TMPRSS5: variants seen among roughly 807,000 people sequenced by gnomAD.
TMPRSS5 encodes the protein transmembrane protease serine 5.
TMPRSS5 carries 45 observed loss-of-function variants against 59.7 expected under a neutral mutation model. That is an observed-to-expected ratio of 0.75 (90% CI 0.59 to 0.97). TMPRSS5 has a LOEUF of 0.97. TMPRSS5 is among the 50% of genes least tolerant of loss of function. The pLI is 0.00. For synonymous variants in TMPRSS5, 225 were observed against 232.0 expected, an observed-to-expected ratio of 0.97 and a Z score of 0.27; for missense variants, 585 against 596.7, an observed-to-expected ratio of 0.98 and a Z score of 0.20.
At chr11:113,697,875 C>A (rs1044868868) in intron 4 of TMPRSS5, among the ~76,000 whole-genome samples, 3 of 152,170 alleles carry the variant, frequency 2.0e-5, no homozygotes, top group Non-Finnish European at 4.4e-5. Flanking sequence ...TGGACTGACT[C>A]ATGTCCCCGC....
Position 113,693,129 on chromosome 11 carries a change from G to A in TMPRSS5, c.906C>T (p.Ala302=). ...ERIIPHPLYS[A]QNHDYDVALL... ...GGGCGACGTCGTAGTCATGATTCTG[G>A]GCACTGTAGAGGGGGTGTGGGATAA... Residue 302 remains alanine, a synonymous_variant, in exon 9 of 13, where the codon GCC becomes GCT. Coordinates refer to ENST00000299882, the MANE Select transcript of TMPRSS5 (RefSeq NM_030770.4). The A allele has an allele frequency of 6.3e-7, 1 of 1,596,362 alleles. No individual in the cohort carries two copies. The highest frequency in any genetic ancestry group is 1.1e-5 in the South Asian group (1 of 87,736).
At chr11:113,692,489 C>T (rs557888019) in intron 9 of TMPRSS5, among the ~76,000 whole-genome samples, 9 of 152,232 alleles carry the variant, frequency 5.9e-5, no homozygotes, top group African/African-American at 1.7e-4. Context: ...CCCACATGCA[C>T]GTGTGTGTCG....
chr11:113,696,748 C>A, intron 6 of TMPRSS5, 110 bp downstream of exon 6: 3 of 707,230 alleles, frequency 4.2e-6, no homozygotes. Flanking sequence ...GTCCTCCTAT[C>A]ATAGGCCACC....
intron 1 of TMPRSS5, among the ~76,000 whole-genome samples, chr11:113,705,144 T>C (rs1041063782): frequency 6.6e-6 from 1 of 152,098 alleles, no homozygotes; most frequent in Non-Finnish European, 1.5e-5. Flanking sequence ...CCAATGAGGA[T>C]AAAAGCCTGA....
rs1467565201 is a variant in TMPRSS5, at chr11:113,690,336, G to C, written c.1101C>G (p.Pro367=). Residue 367 remains proline, a synonymous_variant, in exon 11 of 13, where the codon CCC becomes CCG. Coordinates refer to ENST00000299882, the MANE Select transcript of TMPRSS5 (RefSeq NM_030770.4). ...TGTTGCAGAGCTGAGTGCTGAACAAGGGCACCACCGTGTCCTGGAGCATAT... is the reference window on the plus strand; with the variant it reads ...TGTTGCAGAGCTGAGTGCTGAACAACGGCACCACCGTGTCCTGGAGCATAT... ...SSDMLQDTVV[P]LFSTQLCNSS... is the part of the protein sequence containing the mutation. 1 of 1,604,664 alleles carries C rather than the reference G, an allele frequency of 6.2e-7. No homozygotes were observed. The highest frequency in any genetic ancestry group is 1.1e-5 in the South Asian group (1 of 88,128).
chr11:113,705,082 T>C (rs1953255911), intron 1 of TMPRSS5, among the ~76,000 whole-genome samples: 1 of 152,176 alleles, frequency 6.6e-6, no homozygotes, highest in Middle Eastern at 3.2e-3. Context: ...CCGTTTCCCC[T>C]GCAGACTACT....
At chr11:113,698,809 G>A (rs1040533230) in intron 4 of TMPRSS5, 96 bp downstream of exon 4, 3 of 1,414,738 alleles carry the variant, frequency 2.1e-6, no homozygotes, top group East Asian at 2.5e-5. Context: ...ATGGTTGGCA[G>A]TGAACAGATG....
At chr11:113,690,176 G>GGGCCCCCCCCCCCCCCCCCACC in intron 11 of TMPRSS5, 55 bp downstream of exon 11, 1 of 388,230 alleles carries the variant, frequency 2.6e-6, no homozygotes, top group African/African-American at 3.0e-5. Flanking sequence ...CAGGCCCCCT[G>GGGCCCCCCCCCCCCCCCCCACC]CCCTCCCACC....
chr11:113,699,150 C>T (rs1043978354), intron 3 of TMPRSS5, 123 bp from the exon 4 acceptor site: 7 of 984,368 alleles, frequency 7.1e-6, no homozygotes, highest in South Asian at 5.0e-5. Context: ...AGGGGCATAG[C>T]GCTCCATCTC....
chr11:113,694,564 G>A lies in TMPRSS5; in HGVS notation c.699C>T (p.Ala233=). 2 of 1,542,432 alleles carry A rather than the reference G, an allele frequency of 1.3e-6. No homozygotes were observed. Among genetic ancestry groups the A allele is most frequent in the Non-Finnish European group, 8.7e-7 (1 of 1,143,988 alleles). The change falls in exon 8 of 13, where the codon GCC becomes GCT. Residue 233 remains alanine, a synonymous_variant. Coordinates refer to ENST00000299882, the MANE Select transcript of TMPRSS5 (RefSeq NM_030770.4). The part of the protein sequence containing the change: ...SVAPGRWPWQ[A]SVALGFRHTC... Reference sequence around the variant, plus strand: ...TGTGCCGGAAGCCCAGGGCCACGCTGGCCTGCCACGGCCAGCGCCCAGGAG... The same window carrying A: ...TGTGCCGGAAGCCCAGGGCCACGCTAGCCTGCCACGGCCAGCGCCCAGGAG...
At chr11:113,691,989 G>A (rs1208002360) in intron 9 of TMPRSS5, among the ~76,000 whole-genome samples, 1 of 147,842 alleles carries the variant, frequency 6.8e-6, no homozygotes, top group African/African-American at 2.5e-5. Flanking sequence ...CCAGGTTCAA[G>A]TGATCCTCCT....
chr11:113,700,168 T>C lies in TMPRSS5; in HGVS notation c.4A>G (p.Ser2Gly). 1.3e-6 allele frequency: 2 copies of C among 1,557,680 alleles called. No individual in the cohort carries two copies. Among genetic ancestry groups the C allele is most frequent in the Non-Finnish European group, 8.7e-7 (1 of 1,149,506 alleles). M[S>G]LMLDDQPPME... ...GGGGGTTGGTCATCCAGCATCAGGC[T>C]CTGGGGAAATAAGGGCCAGACACCC... The change falls in exon 2 of 13, where the codon AGC (serine) becomes GGC (glycine). Residue 2 changes from serine to glycine, a missense_variant and splice_region_variant. Coordinates refer to ENST00000299882, the MANE Select transcript of TMPRSS5 (RefSeq NM_030770.4).
chr11:113,706,226 G>T lies in TMPRSS5; in HGVS notation c.-2C>A. 1 of 1,601,666 alleles carries T rather than the reference G, an allele frequency of 6.2e-7. No individual in the cohort carries two copies. The highest frequency in any genetic ancestry group is 1.1e-5 in the South Asian group (1 of 88,304). On this transcript the variant is annotated 5_prime_UTR_variant, in exon 1 of 13. Transcript: ENST00000299882. ...GGCACAGAGACGTAACCTTACCATA[G>T]GGGTCAGTGGCACTGTTGTAAAGCC... is the stretch of plus-strand genomic sequence containing the variant.
At chr11:113,696,806 G>C in intron 6 of TMPRSS5, 52 bp downstream of exon 6, 2 of 1,291,600 alleles carry the variant, frequency 1.5e-6, no homozygotes, top group Non-Finnish European at 2.2e-6. Flanking sequence ...TTGCTGGATT[G>C]ACCACCAGGA....
chr11:113,692,978 A>G, intron 9 of TMPRSS5, 93 bp downstream of exon 9: 2 of 1,260,872 alleles, frequency 1.6e-6, no homozygotes, highest in South Asian at 2.7e-5. Context: ...TGTTCAGAGG[A>G]AACTTCAGAA....
chr11:113,700,128 T>C lies in TMPRSS5; in HGVS notation c.44A>G (p.Tyr15Cys), dbSNP rs1164762152. The change falls in exon 2 of 13, where the codon TAT (tyrosine) becomes TGT (cysteine). Residue 15 changes from tyrosine to cysteine, a missense_variant. Tyr to Cys is a radical substitution (Grantham distance 194). Coordinates refer to ENST00000299882, the MANE Select transcript of TMPRSS5 (RefSeq NM_030770.4). Reference protein sequence around the residue: ...LDDQPPMEAQYAEEGPGPGIF... With the variant: ...LDDQPPMEAQCAEEGPGPGIF... ...CCCAGGTCCTGGGCCCTCCTCTGCA[T>C]ACTGGGCCTCCATAGGGGGTTGGTC... 6 of 1,585,638 alleles carry C rather than the reference T, an allele frequency of 3.8e-6. No homozygotes were observed. Among genetic ancestry groups the C allele is most frequent in the Middle Eastern group, 1.8e-4 (1 of 5,700 alleles).
Position 113,700,183 on chromosome 11 carries a change from G to C in TMPRSS5, c.4-15C>G. On this transcript the variant is annotated splice_polypyrimidine_tract_variant and intron_variant, in intron 1 of 12. Coordinates refer to ENST00000299882, the MANE Select transcript of TMPRSS5 (RefSeq NM_030770.4). ...AGCATCAGGCTCTGGGGAAATAAGG[G>C]CCAGACACCCAGGATCCCCACATCA... 6.5e-7 allele frequency: 1 copy of C among 1,529,564 alleles called. No individual in the cohort carries two copies. The highest frequency in any genetic ancestry group is 8.8e-7 in the Non-Finnish European group (1 of 1,135,196). 94.7% of individuals were successfully genotyped at this position (1,529,564 alleles called of 1,614,324 possible). A position where few individuals can be genotyped will look rare whatever the true frequency, so the allele number is the denominator to read the frequency against.
intron 6 of TMPRSS5, among the ~76,000 whole-genome samples, chr11:113,695,682 C>G (rs1952908924): frequency 6.6e-6 from 1 of 152,146 alleles, no homozygotes; most frequent in Admixed American, 6.5e-5. Context: ...TCCCAGAGGG[C>G]AACAGAAGGA....
At chr11:113,704,799 G>C (rs904316249) in intron 1 of TMPRSS5, among the ~76,000 whole-genome samples, 6 of 145,906 alleles carry the variant, frequency 4.1e-5, no homozygotes, top group African/African-American at 1.3e-4. Flanking sequence ...ACTGGTTTTT[G>C]CATCCCAGGG....
Sources: gnomAD v4.1 joint callset for allele counts (sites outside exome capture counted in the v4.1 genomes callset) on GRCh38, gnomAD v4.1.1 for gene constraint, MANE v1.5 for transcripts, NCBI Gene and HGNC (gene_info 2026-07-23, HGNC 2026-07-21) for gene names.